Variants in ANKRD36B observed in about 807,000 individuals in gnomAD.
The protein encoded by ANKRD36B is ankyrin repeat domain-containing protein 36B.
In ANKRD36B, 37 loss-of-function variants were observed where a neutral mutation model predicts 135.7. The ratio of observed to expected loss-of-function variants is 0.27; its 90% CI spans 0.21 to 0.36. ANKRD36B has a LOEUF of 0.36. Among genes scored for constraint, ANKRD36B ranks in the 10% least tolerant of loss-of-function variants. ANKRD36B has a pLI of 1.00. For synonymous variants in ANKRD36B, 179 were observed against 348.1 expected (o/e 0.51, Z 5.41); for missense variants, 549 against 1,037.1 (o/e 0.53, Z 6.46).
chr2:97,549,480 G>C lies in ANKRD36B; in HGVS notation c.1416C>G (p.Val472=). The part of the protein sequence containing the change: ...QKPPALKATS[V]KEDSVLNIAR... ...CTATATTCAAAACAGAATCTTCCTTGACACTTGTAGCCTGAATGGAATTTG... is the reference window on the plus strand; with the variant it reads ...CTATATTCAAAACAGAATCTTCCTTCACACTTGTAGCCTGAATGGAATTTG... The change falls in exon 20 of 44, where the codon GTC becomes GTG. Residue 472 remains valine (V), a synonymous_variant. Transcript: ENST00000359901. 1 of 1,593,552 alleles carries C rather than the reference G, an allele frequency of 6.3e-7. No individual in the cohort carries two copies. The highest frequency in any genetic ancestry group is 8.5e-7 in the Non-Finnish European group (1 of 1,169,692).
rs1328452219 is a variant in ANKRD36B, at chr2:97,528,181, T to A, written c.2265+4130A>T. ...AAGCTCTCCTCAGCAAATGTAAAAG[T>A]ACAGAAAGTATAACAAACTGTCTGT... On this transcript the variant is annotated intron_variant, in intron 35 of 43. Transcript: ENST00000359901. Among the ~76,000 whole-genome samples the A allele has an allele frequency of 3.1e-5, 3 of 95,738 alleles. 1 individual carries two copies. Among genetic ancestry groups the A allele is most frequent in the Admixed American group, 1.9e-4 (2 of 10,760 alleles). 62.8% of individuals were successfully genotyped at this position (95,738 alleles called of 152,430 possible).
chr2:97,548,031 C>A lies in ANKRD36B; in HGVS notation c.1478-300G>T, dbSNP rs2079654565. 2.0e-5 allele frequency among the ~76,000 whole-genome samples: 3 copies of A among 151,744 alleles called. No homozygotes were observed. In the South Asian group the frequency reaches 6.2e-4, roughly 31 times the overall value. On this transcript the variant is annotated intron_variant, in intron 20 of 43. Coordinates refer to ENST00000359901, the MANE Select transcript of ANKRD36B (RefSeq NM_001393939.1). ...TGCTGAGTGATGAGGACAAAGTGAT[C>A]TAAAATCAGAGGAGAAACTCATACA...
chr2:97,571,637 C>T (rs2081882668), intron 6 of ANKRD36B, among the ~76,000 whole-genome samples: 1 of 152,006 alleles, frequency 6.6e-6, no homozygotes, highest in African/African-American at 2.4e-5. Context: ...CAGAGCGAGA[C>T]TCAGTCTCAA....
intron 6 of ANKRD36B, among the ~76,000 whole-genome samples, chr2:97,574,176 TCAAA>T (rs1162335499): frequency 6.6e-6 from 1 of 151,814 alleles, no homozygotes; most frequent in Non-Finnish European, 1.5e-5. Flanking sequence ...TACAAAGAGC[TCAAA>T]CAAATTTACA....
chr2:97,553,700 T>C (rs570124652), intron 14 of ANKRD36B, among the ~76,000 whole-genome samples: 4 of 152,086 alleles, frequency 2.6e-5, no homozygotes, highest in South Asian at 4.1e-4. Context: ...CTCAATCACC[T>C]GGGAAAATGT....
chr2:97,541,954 C>T lies in ANKRD36B; in HGVS notation c.1842G>A (p.Ser614=). The change falls in exon 28 of 44, where the codon TCG becomes TCA. Residue 614 remains serine (S), a synonymous_variant. Coordinates refer to ENST00000359901, the MANE Select transcript of ANKRD36B (RefSeq NM_001393939.1). The part of the protein sequence containing the change: ...KATSVKKDSV[S]NIATEIKDGQ... Reference sequence around the variant, plus strand: ...CATCCTTTATTTCTGTGGCTATATTCGAAACAGAATCTTTCTTGACACTTG... The same window carrying T: ...CATCCTTTATTTCTGTGGCTATATTTGAAACAGAATCTTTCTTGACACTTG... 3.4e-6 allele frequency: 3 copies of T among 872,620 alleles called. 1 individual carries two copies. The highest frequency in any genetic ancestry group is 1.8e-5 in the African/African-American group (1 of 54,866). The allele number at this position is 872,620 out of a possible 1,614,324, so 54.1% of individuals were successfully genotyped here.
intron 3 of ANKRD36B, among the ~76,000 whole-genome samples, chr2:97,583,658 A>AG (rs1245770857): frequency 6.8e-6 from 1 of 146,622 alleles, no homozygotes; most frequent in Non-Finnish European, 1.5e-5. Context: ...TGTTGCTGTT[A>AG]GAGGCAGTGT....
intron 28 of ANKRD36B, among the ~76,000 whole-genome samples, chr2:97,540,638 C>G (rs575425195): frequency 1.0e-5 from 1 of 95,912 alleles, no homozygotes; most frequent in South Asian, 2.3e-4. Flanking sequence ...CACCATTATA[C>G]TACAGACATT....
In ANKRD36B at chr2:97,526,528, C is replaced by A. The variant is rs2078218687; in HGVS notation, c.2266-3061G>T. 2.0e-5 allele frequency among the ~76,000 whole-genome samples: 2 copies of A among 97,774 alleles called. 1 individual carries two copies. The highest frequency in any genetic ancestry group is 1.8e-4 in the Admixed American group (2 of 11,090). 64.1% of individuals were successfully genotyped at this position (97,774 alleles called of 152,430 possible). A position where few individuals can be genotyped will look rare whatever the true frequency, so the allele number is the denominator to read the frequency against. On this transcript the variant is annotated intron_variant, in intron 35 of 43. Transcript: ENST00000359901. ...TCTTCCAAAGGAACACAGTTCCTCA[C>A]CAGCAATGGAACAAAGCTGGACGGA...
intron 43 of ANKRD36B, among the ~76,000 whole-genome samples, chr2:97,494,061 T>A (rs2922560): frequency 9.3e-6 from 1 of 107,090 alleles, no homozygotes; most frequent in Non-Finnish European, 2.6e-5. Flanking sequence ...CATCTTCCTG[T>A]CTTCTTTGCC....
In ANKRD36B at chr2:97,547,577, T is replaced by C; in HGVS notation, c.1538A>G (p.Asn513Ser). 9 of 1,563,904 alleles carry C rather than the reference T, an allele frequency of 5.8e-6. 1 individual carries two copies. Among genetic ancestry groups the C allele is most frequent in the Non-Finnish European group, 7.9e-6 (9 of 1,145,378 alleles). Residue 513 changes from asparagine to serine, a missense_variant, in exon 22 of 44, where the codon AAT becomes AGT. Transcript: ENST00000359901. ...TCCATCTTTTTTTCCTCTGGCTATA[T>C]TCAAAAGAGAATCTTTCTCGTCTCT... is the stretch of plus-strand genomic sequence containing the variant. The part of the protein sequence containing the change: ...ATRDEKDSLL[N>S]IARGKKDGEK...
In ANKRD36B at chr2:97,578,251, G is replaced by A. The variant is rs142800982; in HGVS notation, c.695+655C>T. ...TGCAACTGAACTAAAAAAAACAGTT[G>A]TAACTTTGAAGCCTTTTTATGGATC... On this transcript the variant is annotated intron_variant, in intron 5 of 43. Coordinates refer to ENST00000359901, the MANE Select transcript of ANKRD36B (RefSeq NM_001393939.1). Among the ~76,000 whole-genome samples the A allele has an allele frequency of 8.9e-3, 1,359 of 152,106 alleles. 28 individuals carry two copies. The highest frequency in any genetic ancestry group is 0.031 in the African/African-American group (1,285 of 41,532).
In ANKRD36B at chr2:97,589,703, C is replaced by G. The variant is rs1244119322; in HGVS notation, c.-18G>C. 8 of 1,613,958 alleles carry G rather than the reference C, an allele frequency of 5.0e-6. No homozygotes were observed. The highest frequency in any genetic ancestry group is 1.3e-5 in the African/African-American group (1 of 74,912). On this transcript the variant is annotated 5_prime_UTR_variant, in exon 1 of 44. Transcript: ENST00000359901. ...CGCTCCATGAGGGTGGGCCACCTCT[C>G]CCGCTCGTCGTCTTCCTTAATCGTC...
At chr2:97,577,016 T>C (rs1384425973) in intron 5 of ANKRD36B, among the ~76,000 whole-genome samples, 1 of 152,076 alleles carries the variant, frequency 6.6e-6, no homozygotes, top group African/African-American at 2.4e-5. Flanking sequence ...ATTGTTCTAT[T>C]ATTTCTGGCT....
At chr2:97,576,879 G>T (rs2082269106) in intron 5 of ANKRD36B, among the ~76,000 whole-genome samples, 1 of 152,038 alleles carries the variant, frequency 6.6e-6, no homozygotes, top group Admixed American at 6.6e-5. Flanking sequence ...AAGCAGTGGA[G>T]CTTGTTCTTG....
intron 14 of ANKRD36B, among the ~76,000 whole-genome samples, chr2:97,553,956 T>C (rs943116712): frequency 3.9e-5 from 6 of 151,926 alleles, no homozygotes; most frequent in Non-Finnish European, 7.4e-5. Context: ...ATTTCTCATA[T>C]CCATGTGGTG....
chr2:97,557,078 C>T (rs1416401969), intron 11 of ANKRD36B, 26 bp downstream of exon 11: 4 of 1,544,884 alleles, frequency 2.6e-6, no homozygotes, highest in South Asian at 1.2e-5. Flanking sequence ...ATAAATAATT[C>T]AAAATATAAA....
At chr2:97,548,730 C>T (rs2079740385) in intron 20 of ANKRD36B, among the ~76,000 whole-genome samples, 1 of 151,954 alleles carries the variant, frequency 6.6e-6, no homozygotes, top group Admixed American at 6.6e-5. Flanking sequence ...ACATGTATCT[C>T]TGATGCCTAA....
intron 3 of ANKRD36B, among the ~76,000 whole-genome samples, chr2:97,581,180 A>G (rs1325715582): frequency 5.5e-5 from 8 of 146,316 alleles, no homozygotes; most frequent in African/African-American, 1.9e-4. Flanking sequence ...GTAAATACTT[A>G]TTTTGGAGAA....
Sources: allele counts gnomAD v4.1 joint callset (sites outside exome capture counted in the v4.1 genomes callset), GRCh38; gene constraint gnomAD v4.1.1; transcripts MANE v1.5; gene names NCBI Gene and HGNC (gene_info 2026-07-23, HGNC 2026-07-21).